The following IL22RA1 variants were observed in gnomAD, a reference collection of about 807,000 sequenced individuals.
The protein encoded by IL22RA1 is interleukin-22 receptor subunit alpha-1.
A neutral mutation model predicts 32.8 loss-of-function variants in IL22RA1; 25 were observed. The observed-to-expected ratio is 0.76, with a 90% CI of 0.55 to 1.06. IL22RA1 has a LOEUF of 1.06. Among genes scored for constraint, IL22RA1 ranks in the 50% least tolerant of loss-of-function variants. The probability of loss-of-function intolerance (pLI) is 0.00; values close to 1 mark genes in which losing one functional copy is unlikely to be tolerated. For synonymous variants in IL22RA1, 305 were observed against 305.0 expected (o/e 1.00, Z 0.00); for missense variants, 709 against 727.4 (o/e 0.97, Z 0.29).
chr1:24,123,638 A>G, intron 5 of IL22RA1: 1 of 1,123,384 alleles, frequency 8.9e-7, no homozygotes. Context: ...TGTTAAATAA[A>G]TAAAATGTTC....
intron 3 of IL22RA1, 75 bp from the exon 4 acceptor site, chr1:24,134,461 G>C (rs923680174): frequency 2.7e-6 from 3 of 1,123,142 alleles, no homozygotes; most frequent in Non-Finnish European, 1.2e-6. Context: ...ACCTTGGACA[G>C]TGGAAAATGA....
chr1:24,134,092 G>T, intron 4 of IL22RA1, 119 bp downstream of exon 4: 1 of 795,660 alleles, frequency 1.3e-6, no homozygotes, highest in Non-Finnish European at 1.9e-6. Context: ...CAAGGGACAT[G>T]TTTTGGGAAA....
At position 24,120,761 on chromosome 1, in the gene IL22RA1, C is replaced by A; in HGVS notation, c.*44G>T. The A allele has an allele frequency of 6.6e-7, 1 of 1,513,422 alleles. No homozygotes were observed. The highest frequency in any genetic ancestry group is 8.9e-7 in the Non-Finnish European group (1 of 1,121,584). The allele number at this position is 1,513,422 out of a possible 1,614,324, so 93.7% of individuals were successfully genotyped here. On this transcript the variant is annotated 3_prime_UTR_variant, in exon 7 of 7. Coordinates refer to ENST00000270800, the MANE Select transcript of IL22RA1 (RefSeq NM_021258.4). ...GGGATTGACAGCCAAGGATGTGACA[C>A]TGGGTAGGGACAGGGAGGAAGCACC...
rs1307905140 is a variant in IL22RA1 at position 24,134,341 on chromosome 1, G to T, written c.401C>A (p.Ser134Ter). The T allele has an allele frequency of 6.3e-7, 1 of 1,591,872 alleles. No individual in the cohort carries two copies. The highest frequency in any genetic ancestry group is 2.3e-5 in the East Asian group (1 of 43,402). ...PDVTCISKVR[S>*]IQMIVHPTPT... ...GGTAGGATGAACAATCATCTGAATCGATCTCACTTTGGAGATACAGGTCAC... is the reference window on the plus strand; with the variant it reads ...GGTAGGATGAACAATCATCTGAATCTATCTCACTTTGGAGATACAGGTCAC... The change falls in exon 4 of 7, where the codon TCG (serine) becomes TAG (stop). Residue 134 changes from serine (S) to a stop codon, truncating the protein, a stop_gained. Coordinates refer to ENST00000270800, the MANE Select transcript of IL22RA1 (RefSeq NM_021258.4). LOFTEE classifies it high-confidence loss of function.
chr1:24,136,506 GGAGGT>G (rs10549040), intron 3 of IL22RA1, among the ~76,000 whole-genome samples: 59,233 of 151,604 alleles, frequency 0.39, 12,129 homozygotes, highest in East Asian at 0.67. Context: ...CACTGACTTA[GGAGGT>G]GATGTTGAAG....
At chr1:24,131,386 T>C (rs1165393945) in intron 4 of IL22RA1, among the ~76,000 whole-genome samples, 3 of 152,202 alleles carry the variant, frequency 2.0e-5, no homozygotes, top group Non-Finnish European at 4.4e-5. Context: ...AAGAGATACA[T>C]TTTAAATATA....
At chr1:24,137,408 G>A (rs1322029246) in intron 2 of IL22RA1, 99 bp from the exon 3 acceptor site, 14 of 1,123,010 alleles carry the variant, frequency 1.2e-5, no homozygotes, top group Admixed American at 3.9e-5. Context: ...TATTTACTTA[G>A]CACGTTCAGT....
intron 6 of IL22RA1, among the ~76,000 whole-genome samples, chr1:24,122,885 T>G (rs1337366396): frequency 2.0e-5 from 3 of 152,204 alleles, no homozygotes; most frequent in Admixed American, 6.5e-5. Context: ...CTGGCTTCTC[T>G]TGAAAAACAT....
At position 24,120,898 on chromosome 1, in the gene IL22RA1, C is replaced by T. The variant is rs199519515; in HGVS notation, c.1632G>A (p.Lys544=). The stretch of plus-strand genomic sequence containing the variant: ...GGTCTGAGGTCTCAGGGGCTGGGCT[C>T]TTGGCTTCATCCTTGGGACACACAA... ...ESLVCPKDEA[K]SPAPETSDLE... The change falls in exon 7 of 7, where the codon AAG becomes AAA. Residue 544 remains lysine, a synonymous_variant. Transcript: ENST00000270800. The T allele has an allele frequency of 8.7e-6, 14 of 1,614,070 alleles. No homozygotes were observed. The highest frequency in any genetic ancestry group is 1.2e-5 in the Non-Finnish European group (14 of 1,180,034).
chr1:24,136,749 G>A (rs1644244985), intron 3 of IL22RA1, among the ~76,000 whole-genome samples: 1 of 152,180 alleles, frequency 6.6e-6, no homozygotes. Flanking sequence ...AGGGTTTTAA[G>A]CTGAGAAGAG....
chr1:24,134,639 C>G (rs1644230436), intron 3 of IL22RA1, among the ~76,000 whole-genome samples: 1 of 152,044 alleles, frequency 6.6e-6, no homozygotes, highest in Non-Finnish European at 1.5e-5. Context: ...GGCACCAGTC[C>G]CCTAGCTTGG....
At chr1:24,130,984 C>T (rs578167373) in intron 4 of IL22RA1, among the ~76,000 whole-genome samples, 2 of 152,150 alleles carry the variant, frequency 1.3e-5, no homozygotes, top group African/African-American at 2.4e-5. Context: ...GGATTACAGG[C>T]GTGGGCCACC....
rs904084652 is a variant in IL22RA1 at position 24,120,230 on chromosome 1, G to A, written c.*575C>T. The A allele has an allele frequency of 2.6e-5, 4 of 152,342 alleles. No homozygotes were observed. The highest frequency in any genetic ancestry group is 6.5e-5 in the Admixed American group (1 of 15,290). The allele number at this position is 152,342 out of a possible 1,614,324, so 9.4% of individuals were successfully genotyped here. A position where few individuals can be genotyped will look rare whatever the true frequency, so the allele number is the denominator to read the frequency against. On this transcript the variant is annotated 3_prime_UTR_variant, in exon 7 of 7. Transcript: ENST00000270800. ...TTGCCCTGGCTGGGAATGAGCTGCAGGCCACACCCCTCCCTAGAGTCCTGC... is the reference window on the plus strand; with the variant it reads ...TTGCCCTGGCTGGGAATGAGCTGCAAGCCACACCCCTCCCTAGAGTCCTGC...
At chr1:24,128,941 C>T (rs916581960) in intron 4 of IL22RA1, among the ~76,000 whole-genome samples, 1 of 152,184 alleles carries the variant, frequency 6.6e-6, no homozygotes, top group African/African-American at 2.4e-5. Context: ...CCAGTCCAGA[C>T]TCATTTGTCT....
chr1:24,138,028 C>T (rs1644254497), intron 2 of IL22RA1, among the ~76,000 whole-genome samples: 1 of 152,020 alleles, frequency 6.6e-6, no homozygotes, highest in South Asian at 2.1e-4. Context: ...AAGTGACTTG[C>T]TACAGGACAA....
Position 24,121,041 on chromosome 1 carries a change from G to A in IL22RA1, c.1489C>T (p.Pro497Ser). Residue 497 changes from proline to serine, a missense_variant, in exon 7 of 7, where the codon CCC becomes TCC. Coordinates refer to ENST00000270800, the MANE Select transcript of IL22RA1 (RefSeq NM_021258.4). ...GTPQYLKGQL[P>S]LLSSVQIEGH... ...TCGATCTGGACTGAGGAGAGGAGGG[G>A]GAGCTGGCCCTTTAGGTACTGTGGT... 6.2e-7 allele frequency: 1 copy of A among 1,614,174 alleles called. No individual in the cohort carries two copies. The highest frequency in any genetic ancestry group is 1.1e-5 in the South Asian group (1 of 91,082).
chr1:24,139,764 C>T (rs1468843608), intron 1 of IL22RA1, among the ~76,000 whole-genome samples: 5 of 152,176 alleles, frequency 3.3e-5, no homozygotes, highest in Non-Finnish European at 7.4e-5. Flanking sequence ...ATGGCTGCAC[C>T]ATCTTAAATT....
intron 4 of IL22RA1, among the ~76,000 whole-genome samples, chr1:24,133,424 C>T (rs1569574884): frequency 6.6e-6 from 1 of 152,040 alleles, no homozygotes; most frequent in Non-Finnish European, 1.5e-5. Flanking sequence ...ATGCAGAAAC[C>T]ACAAAGTAGG....
intron 5 of IL22RA1, among the ~76,000 whole-genome samples, chr1:24,124,678 C>T (rs964121867): frequency 5.9e-5 from 9 of 152,090 alleles, no homozygotes; most frequent in African/African-American, 2.2e-4. Flanking sequence ...CCTCGGCGAT[C>T]ACTGTGAACT....
Sources: gnomAD v4.1 joint callset for allele counts (sites outside exome capture counted in the v4.1 genomes callset) on GRCh38, gnomAD v4.1.1 for gene constraint, MANE v1.5 for transcripts, NCBI Gene and HGNC (gene_info 2026-07-23, HGNC 2026-07-21) for gene names.